The following VWA2 variants were observed in gnomAD, a reference collection of about 807,000 sequenced individuals.
VWA2 encodes the protein von Willebrand factor A domain containing 2.
VWA2 carries 73 observed loss-of-function variants against 70.4 expected under a neutral mutation model. The observed-to-expected ratio is 1.04, with a 90% CI of 0.86 to 1.26. The LOEUF (loss-of-function observed/expected upper bound fraction) is 1.26. Ranked by LOEUF, VWA2 falls within the 50% of genes most tolerant of loss-of-function variation. VWA2 has a pLI of 0.00. For missense variants in VWA2, 1,011 were observed against 998.5 expected, an observed-to-expected ratio of 1.01 and a Z score of -0.17; for synonymous variants, 407 against 423.3, an observed-to-expected ratio of 0.96 and a Z score of 0.47.
intron 1 of VWA2, among the ~76,000 whole-genome samples, chr10:114,244,464 T>C (rs527828392): frequency 1.3e-5 from 2 of 152,344 alleles, no homozygotes; most frequent in South Asian, 4.1e-4. Flanking sequence ...CACTTCTCCA[T>C]GTCTCAGCTT....
At chr10:114,271,842 T>C (rs1027477011) in intron 5 of VWA2, among the ~76,000 whole-genome samples, 3 of 152,216 alleles carry the variant, frequency 2.0e-5, no homozygotes, top group African/African-American at 7.2e-5. Context: ...GTGTGTACTG[T>C]TGATAACCAC....
intron 5 of VWA2, among the ~76,000 whole-genome samples, chr10:114,272,377 G>T (rs150344993): frequency 6.6e-6 from 1 of 152,254 alleles, no homozygotes; most frequent in East Asian, 1.9e-4. Flanking sequence ...CCCAACCCAG[G>T]ATGTTGAGCT....
intron 7 of VWA2, 118 bp from the exon 8 acceptor site, chr10:114,278,601 A>C: frequency 6.9e-7 from 1 of 1,458,118 alleles, no homozygotes; most frequent in Non-Finnish European, 9.3e-7. Flanking sequence ...GAAAGTGGCC[A>C]GCCTGGAAGT....
intron 1 of VWA2, among the ~76,000 whole-genome samples, chr10:114,247,021 G>A (rs963956891): frequency 2.7e-4 from 41 of 152,134 alleles, no homozygotes; most frequent in African/African-American, 9.4e-4. Context: ...TTTCTTCCCA[G>A]GAGACAAATC....
chr10:114,259,269 G>A (rs1205367819), intron 4 of VWA2, among the ~76,000 whole-genome samples: 1 of 152,114 alleles, frequency 6.6e-6, no homozygotes, highest in Non-Finnish European at 1.5e-5. Flanking sequence ...TTCCATCAAA[G>A]AGTTACTTGT....
At chr10:114,271,967 T>C (rs552042538) in intron 5 of VWA2, among the ~76,000 whole-genome samples, 1 of 152,272 alleles carries the variant, frequency 6.6e-6, no homozygotes, top group Admixed American at 6.5e-5. Flanking sequence ...TCCACTGTAG[T>C]GAGTCATTAT....
chr10:114,255,040 C>A lies in VWA2; in HGVS notation c.253C>A (p.Pro85Thr). ...AGTCTGTGACGGTCTGGACATCAGC[C>A]CCGAGAGGGTGAGTGCAAGTCTTGT... ...ITVCDGLDIS[P>T]ERVRVGAFQF... The change falls in exon 4 of 14, where the codon CCC becomes ACC. Residue 85 changes from proline to threonine, a missense_variant. Transcript: ENST00000392982. 6.2e-7 allele frequency: 1 copy of A among 1,611,970 alleles called. No individual in the cohort carries two copies.
rs1380396141 is a variant in VWA2, at chr10:114,294,438, G to A, written c.*3201G>A. ...TAGGTTGTCTATTTGTCTCTTTAAT[G>A]AACCCGATTTTGATTTTGTCATTTT... On this transcript the variant is annotated 3_prime_UTR_variant, in exon 14 of 14. Coordinates refer to ENST00000392982, the MANE Select transcript of VWA2 (RefSeq NM_001272046.2). Among the ~76,000 whole-genome samples, 1 of 152,038 alleles carries A rather than the reference G, an allele frequency of 6.6e-6. No individual in the cohort carries two copies. The highest frequency in any genetic ancestry group is 2.4e-5 in the African/African-American group (1 of 41,394).
At chr10:114,249,735 A>T (rs972445778) in intron 2 of VWA2, among the ~76,000 whole-genome samples, 1 of 152,158 alleles carries the variant, frequency 6.6e-6, no homozygotes, top group African/African-American at 2.4e-5. Context: ...TATCCAGTCT[A>T]TCATTGATCA....
intron 5 of VWA2, among the ~76,000 whole-genome samples, chr10:114,263,327 C>CTTTTTT (rs1564720569): frequency 6.6e-5 from 8 of 121,742 alleles, no homozygotes; most frequent in African/African-American, 2.6e-4. Context: ...GAATCTCCCC[C>CTTTTTT]ATTTTTTTTT....
intron 4 of VWA2, among the ~76,000 whole-genome samples, chr10:114,257,644 C>A (rs549380161): frequency 6.6e-6 from 1 of 152,136 alleles, no homozygotes; most frequent in Admixed American, 6.5e-5. Context: ...GAATTCACAC[C>A]CTGCTATCAC....
At chr10:114,261,608 A>G (rs1184561987) in intron 5 of VWA2, among the ~76,000 whole-genome samples, 4 of 152,194 alleles carry the variant, frequency 2.6e-5, no homozygotes, top group Non-Finnish European at 5.9e-5. Flanking sequence ...TAGGAGGAAC[A>G]CTGAGTCTTA....
rs773065627 is a variant in VWA2 at position 114,272,948 on chromosome 10, T to C, written c.566+14T>C. On this transcript the variant is annotated intron_variant, in intron 6 of 13. Transcript: ENST00000392982. Reference sequence around the variant, plus strand: ...CAGGTTTCCCAGGTAAGAGCCTCAGTCACCCTGGATCAGCCCTCAGGTGGT... The same window carrying C: ...CAGGTTTCCCAGGTAAGAGCCTCAGCCACCCTGGATCAGCCCTCAGGTGGT... 5.0e-6 allele frequency: 8 copies of C among 1,599,902 alleles called. No individual in the cohort carries two copies. The highest frequency in any genetic ancestry group is 6.8e-6 in the Non-Finnish European group (8 of 1,172,550).
chr10:114,248,781 T>C lies in VWA2; in HGVS notation c.52+16T>C. The stretch of plus-strand genomic sequence containing the variant: ...TTTTCCAGAGGTAAGATGTGTTTAT[T>C]GGTGGTGGGGAAGTACTGGCGTGTT... On this transcript the variant is annotated intron_variant, in intron 2 of 13. Transcript: ENST00000392982. 8.7e-6 allele frequency: 14 copies of C among 1,612,686 alleles called. No individual in the cohort carries two copies. The highest frequency in any genetic ancestry group is 1.2e-5 in the Non-Finnish European group (14 of 1,178,752).
chr10:114,276,673 A>ATTTTT (rs34808735), intron 6 of VWA2, among the ~76,000 whole-genome samples: 6 of 113,696 alleles, frequency 5.3e-5, no homozygotes, highest in African/African-American at 1.1e-4. Flanking sequence ...ACACCCAGCA[A>ATTTTT]TTTTTTTTTT....
At chr10:114,274,158 C>T (rs1025925340) in intron 6 of VWA2, among the ~76,000 whole-genome samples, 1 of 152,274 alleles carries the variant, frequency 6.6e-6, no homozygotes, top group Admixed American at 6.5e-5. Context: ...GGAAGCCCAG[C>T]AAGCAAGTGG....
chr10:114,255,042 C>T lies in VWA2; in HGVS notation c.255C>T (p.Pro85=), dbSNP rs759239823. ...ITVCDGLDIS[P]ERVRVGAFQF... is the part of the protein sequence containing the mutation. ...TCTGTGACGGTCTGGACATCAGCCC[C>T]GAGAGGGTGAGTGCAAGTCTTGTGG... The change falls in exon 4 of 14, where the codon CCC becomes CCT. Residue 85 remains proline (P), a synonymous_variant. Transcript: ENST00000392982. The T allele has an allele frequency of 1.0e-4, 169 of 1,611,716 alleles. No homozygotes were observed. The highest frequency in any genetic ancestry group is 1.3e-4 in the Non-Finnish European group (156 of 1,179,852).
intron 6 of VWA2, among the ~76,000 whole-genome samples, chr10:114,274,399 C>T (rs1191285891): frequency 1.3e-5 from 2 of 152,116 alleles, no homozygotes; most frequent in Non-Finnish European, 2.9e-5. Context: ...GATTAGGAGG[C>T]CTTTGGCATG....
chr10:114,254,854 C>T, intron 3 of VWA2, 61 bp from the exon 4 acceptor site: 4 of 1,587,682 alleles, frequency 2.5e-6, no homozygotes, highest in Non-Finnish European at 3.4e-6. Flanking sequence ...TGCCTTCACT[C>T]TGCTTCAGAA....
Sources: allele counts gnomAD v4.1 joint callset (sites outside exome capture counted in the v4.1 genomes callset), GRCh38; gene constraint gnomAD v4.1.1; transcripts MANE v1.5; gene names NCBI Gene and HGNC (gene_info 2026-07-23, HGNC 2026-07-21).